PSG11: variants seen among roughly 807,000 people sequenced by gnomAD.
PSG11 encodes the protein pregnancy-specific beta-1-glycoprotein 11.
In PSG11, 42 loss-of-function variants were observed where a neutral mutation model predicts 36.0. The observed-to-expected ratio is 1.17, with a 90% confidence interval of 0.91 to 1.51. PSG11 has a LOEUF of 1.51. PSG11 is among the 40% of genes most tolerant of loss of function. The probability of loss-of-function intolerance (pLI) is 0.00; values close to 1 mark genes in which losing one functional copy is unlikely to be tolerated. For synonymous variants in PSG11, 206 were observed against 153.5 expected, an observed-to-expected ratio of 1.34 and a Z score of -2.53; for missense variants, 558 against 403.5, an observed-to-expected ratio of 1.38 and a Z score of -3.28.
intron 5 of PSG11, among the ~76,000 whole-genome samples, 158 bp downstream of exon 5, chr19:43,009,800 C>G (rs1974026748): frequency 6.6e-6 from 1 of 151,214 alleles, no homozygotes; most frequent in African/African-American, 2.4e-5. Context: ...GCATAAAGGC[C>G]AGGGAGAAAG....
intron 1 of PSG11, among the ~76,000 whole-genome samples, chr19:43,025,825 C>T (rs1216885504): frequency 2.0e-5 from 3 of 149,964 alleles, no homozygotes; most frequent in Non-Finnish European, 4.4e-5. Flanking sequence ...CTACCTCTTA[C>T]CAATTCCGGT....
At chr19:43,022,719 G>T (rs568218986) in intron 2 of PSG11, among the ~76,000 whole-genome samples, 1 of 151,348 alleles carries the variant, frequency 6.6e-6, no homozygotes, top group East Asian at 1.9e-4. Context: ...GCCTCACAAA[G>T]GGGAAGAGCC....
intron 3 of PSG11, 103 bp downstream of exon 3, chr19:43,018,667 A>G (rs1357490861): frequency 2.5e-6 from 4 of 1,603,880 alleles, no homozygotes; most frequent in Non-Finnish European, 3.4e-6. Context: ...GTCCAGTGGT[A>G]AAGGTCTCTG....
intron 4 of PSG11, among the ~76,000 whole-genome samples, chr19:43,012,346 G>T (rs531982158): frequency 6.6e-6 from 1 of 151,434 alleles, no homozygotes; most frequent in South Asian, 2.1e-4. Context: ...TGGAAGGAAG[G>T]AGTAAAATTA....
chr19:43,014,919 G>T (rs550963517), intron 4 of PSG11, 197 bp downstream of exon 4: 9 of 1,442,948 alleles, frequency 6.2e-6, no homozygotes, highest in South Asian at 1.5e-5. Context: ...CAGACACAAG[G>T]TCAGTCATGA....
chr19:43,026,379 T>G lies in PSG11; in HGVS notation c.-7A>C. The G allele has an allele frequency of 6.2e-7, 1 of 1,609,008 alleles. No homozygotes were observed. Among genetic ancestry groups the G allele is most frequent in the African/African-American group, 1.3e-5 (1 of 74,330 alleles). ...GGGCTGAGAGGGGCCCCATGATCTC[T>G]GCTGCGTGCATGTTCTCCTCTGTGG... On this transcript the variant is annotated 5_prime_UTR_variant, in exon 1 of 6. Coordinates refer to ENST00000320078, the MANE Select transcript of PSG11 (RefSeq NM_002785.3).
Position 43,010,081 on chromosome 19 carries a change from G to A in PSG11, c.965-40C>T, listed in dbSNP as rs1568484810. The A allele has an allele frequency of 1.1e-5, 17 of 1,591,274 alleles. 1 individual carries two copies. Among genetic ancestry groups the A allele is most frequent in the Non-Finnish European group, 1.5e-5 (17 of 1,161,680 alleles). ...AAAGAAAAGAAGGAATGAAGGTGATGTTATTTTACATGGGGGAGCGTCAGG... is the reference window on the plus strand; with the variant it reads ...AAAGAAAAGAAGGAATGAAGGTGATATTATTTTACATGGGGGAGCGTCAGG... On this transcript the variant is annotated intron_variant, in intron 4 of 5. Transcript: ENST00000320078.
chr19:43,026,154 A>G (rs1168843874), intron 1 of PSG11, among the ~76,000 whole-genome samples, 155 bp downstream of exon 1: 5 of 149,694 alleles, frequency 3.3e-5, no homozygotes, highest in Non-Finnish European at 7.4e-5. Context: ...TGTTGGCTGG[A>G]CTGATCTTGA....
chr19:43,015,050 T>A (rs1302037847), intron 4 of PSG11, 66 bp downstream of exon 4: 6 of 1,609,550 alleles, frequency 3.7e-6, no homozygotes, highest in Middle Eastern at 1.7e-4. Context: ...TTTTCCTGAC[T>A]CTTCTCTGAA....
Position 43,018,781 on chromosome 19 carries a change from A to G in PSG11, c.698T>C (p.Leu233Pro), listed in dbSNP as rs1967029406. The stretch of plus-strand genomic sequence containing the variant: ...CAGAAGATACTCACGGAGGAGATTC[A>G]GGGTGACTGGGTCACTGCGGCTGGC... ...GSASRSDPVT[L>P]NLLHGPDLPR... Residue 233 changes from leucine (L) to proline (P), a missense_variant, in exon 3 of 6, where the codon CTG (leucine) becomes CCG (proline). Coordinates refer to ENST00000320078, the MANE Select transcript of PSG11 (RefSeq NM_002785.3). 6.2e-7 allele frequency: 1 copy of G among 1,612,148 alleles called. No homozygotes were observed. The highest frequency in any genetic ancestry group is 1.7e-4 in the Middle Eastern group (1 of 6,052).
At chr19:43,009,512 A>C (rs1327098435) in intron 5 of PSG11, among the ~76,000 whole-genome samples, 1 of 151,252 alleles carries the variant, frequency 6.6e-6, no homozygotes, top group Non-Finnish European at 1.5e-5. Flanking sequence ...GCTAGTGTAT[A>C]CCCCTGGAGA....
chr19:43,013,280 A>T (rs1041477628), intron 4 of PSG11, among the ~76,000 whole-genome samples: 1 of 151,402 alleles, frequency 6.6e-6, no homozygotes, highest in African/African-American at 2.4e-5. Flanking sequence ...AAAAATCAAA[A>T]CCTTTTATAT....
intron 3 of PSG11, among the ~76,000 whole-genome samples, chr19:43,016,418 C>G (rs1387977845): frequency 6.6e-6 from 1 of 151,210 alleles, no homozygotes; most frequent in South Asian, 2.1e-4. Flanking sequence ...CTTCCAAATT[C>G]CATCCTACTT....
At chr19:43,025,928 TTTTTTCTC>T in intron 1 of PSG11, among the ~76,000 whole-genome samples, 1 of 128,394 alleles carries the variant, frequency 7.8e-6, no homozygotes, top group Non-Finnish European at 1.6e-5. Context: ...TTTTTTTTTT[TTTTTTCTC>T]TTTTTTTTTT....
chr19:43,021,337 A>C lies in PSG11; in HGVS notation c.431-2289T>G, dbSNP rs551167207. ...GCAGTCTACCAGTAAGCATCAAAAG[A>C]ATTCTTCATTTCTCTTACAGCATTT... On this transcript the variant is annotated intron_variant, in intron 2 of 5. Coordinates refer to ENST00000320078, the MANE Select transcript of PSG11 (RefSeq NM_002785.3). 1.3e-4 allele frequency among the ~76,000 whole-genome samples: 19 copies of C among 151,366 alleles called. 1 individual carries two copies. Among genetic ancestry groups the C allele is most frequent in the African/African-American group, 3.4e-4 (14 of 41,056 alleles).
In PSG11 at chr19:43,007,891, G is replaced by T. The variant is rs1973969578; in HGVS notation, c.*192C>A. 2 of 377,978 alleles carry T rather than the reference G, an allele frequency of 5.3e-6. No individual in the cohort carries two copies. The highest frequency in any genetic ancestry group is 2.8e-4 in the South Asian group (2 of 7,096). 23.4% of individuals were successfully genotyped at this position (377,978 alleles called of 1,614,324 possible). A position where few individuals can be genotyped will look rare whatever the true frequency, so the allele number is the denominator to read the frequency against. On this transcript the variant is annotated 3_prime_UTR_variant, in exon 6 of 6. Coordinates refer to ENST00000320078, the MANE Select transcript of PSG11 (RefSeq NM_002785.3). The stretch of plus-strand genomic sequence containing the variant: ...TTATCCTTTTGTTATTTAGTCCAAT[G>T]AAATGGAGTTCTTTTCTTCTTTGTC...
At position 43,024,055 on chromosome 19, in the gene PSG11, G is replaced by A. The variant is rs1267790006; in HGVS notation, c.430+636C>T. Among the ~76,000 whole-genome samples, 5 of 151,374 alleles carry A rather than the reference G, an allele frequency of 3.3e-5. No individual in the cohort carries two copies. The South Asian group carries it at 8.4e-4, about 25-fold the overall frequency. ...TGTCCTAAGCCTCCTAAGGCAGTTG[G>A]CTGATGACCTACAAAGCTTGTCTTT... On this transcript the variant is annotated intron_variant, in intron 2 of 5. Transcript: ENST00000320078.
At chr19:43,024,237 C>T (rs1444855449) in intron 2 of PSG11, among the ~76,000 whole-genome samples, 1 of 151,534 alleles carries the variant, frequency 6.6e-6, no homozygotes, top group Non-Finnish European at 1.5e-5. Context: ...CAAGAAGCCA[C>T]AACCCAGCCC....
chr19:43,017,737 T>A (rs1437769657), intron 3 of PSG11: 1 of 151,542 alleles, frequency 6.6e-6, no homozygotes, highest in Non-Finnish European at 1.5e-5. Flanking sequence ...TTCCAGTCCA[T>A]GAAAATGAAG....
Sources: gnomAD v4.1 joint callset for allele counts (sites outside exome capture counted in the v4.1 genomes callset) on GRCh38, gnomAD v4.1.1 for gene constraint, MANE v1.5 for transcripts, NCBI Gene and HGNC (gene_info 2026-07-23, HGNC 2026-07-21) for gene names.